The following NTF3 variants were observed in gnomAD, a reference collection of about 807,000 sequenced individuals.
NTF3 encodes neurotrophin 3, also known as neurotrophin-3.
A neutral mutation model predicts 26.3 loss-of-function variants in NTF3; 8 were observed. That is an observed-to-expected ratio of 0.30 (90% CI 0.18 to 0.55). The LOEUF (loss-of-function observed/expected upper bound fraction) is 0.55. Ranked by LOEUF, NTF3 falls within the 20% of genes least tolerant of loss-of-function variation. The pLI is 0.93. For synonymous variants in NTF3, 154 were observed against 145.5 expected (o/e 1.06, Z -0.42); for missense variants, 276 against 352.9 (o/e 0.78, Z 1.75).
In NTF3 at chr12:5,456,422, G is replaced by A. The variant is rs1284678768; in HGVS notation, c.18+24080G>A. ...AAATCAGTGGGACCCTGGGAGCTGT[G>A]TACCCCTCAGACCCAGTTGGAACCC... On this transcript the variant is annotated intron_variant, in intron 1 of 1. Transcript: ENST00000423158. The surrounding 1 kb of genome is among the most constrained non-coding windows in gnomAD (Gnocchi z 4.4). Among the ~76,000 whole-genome samples the A allele has an allele frequency of 6.6e-6, 1 of 152,134 alleles. No homozygotes were observed. Among genetic ancestry groups the A allele is most frequent in the Non-Finnish European group, 1.5e-5 (1 of 68,032 alleles).
At chr12:5,450,212 A>G (rs1052132957) in intron 1 of NTF3, among the ~76,000 whole-genome samples, 3 of 152,192 alleles carry the variant, frequency 2.0e-5, no homozygotes, top group Admixed American at 6.5e-5. Flanking sequence ...CTCCAAGAAC[A>G]CGGTTTGGTG....
intron 1 of NTF3, among the ~76,000 whole-genome samples, chr12:5,487,014 T>C (rs1468551693): frequency 6.6e-6 from 1 of 152,050 alleles, no homozygotes; most frequent in Non-Finnish European, 1.5e-5. Flanking sequence ...GATAACACCA[T>C]GATGGCTAGT....
chr12:5,431,200 T>C (rs1039460693), upstream of NTF3, among the ~76,000 whole-genome samples: 2 of 152,048 alleles, frequency 1.3e-5, no homozygotes, highest in African/African-American at 4.8e-5. Flanking sequence ...ACAGGTTTGT[T>C]TGTTGCTCGC....
At position 5,445,288 on chromosome 12, in the gene NTF3, A is replaced by ATGTGTGTGTGTG. The variant is rs200578458; in HGVS notation, c.18+12957_18+12958insGTGTGTGTGTGT. Reference sequence around the variant, plus strand: ...CATAGATGATTCCTTGGATTAAATGATGTGTGTGTGTATGTGTGTGTGTGT... The same window carrying ATGTGTGTGTGTG: ...CATAGATGATTCCTTGGATTAAATGATGTGTGTGTGTGTGTGTGTGTGTATGTGTGTGTGTGT... On this transcript the variant is annotated intron_variant, in intron 1 of 1. Coordinates refer to ENST00000423158, the MANE Select transcript of NTF3 (RefSeq NM_001102654.2). Among the ~76,000 whole-genome samples, 18 of 101,576 alleles carry ATGTGTGTGTGTG rather than the reference A, an allele frequency of 1.8e-4. 1 individual carries two copies. Among genetic ancestry groups the ATGTGTGTGTGTG allele is most frequent in the Admixed American group, 8.6e-4 (8 of 9,254 alleles). 66.6% of individuals were successfully genotyped at this position (101,576 alleles called of 152,430 possible). A position where few individuals can be genotyped will look rare whatever the true frequency, so the allele number is the denominator to read the frequency against.
intron 1 of NTF3, among the ~76,000 whole-genome samples, chr12:5,482,804 GCT>G (rs1204240620): frequency 6.8e-6 from 1 of 146,518 alleles, no homozygotes; most frequent in Non-Finnish European, 1.5e-5. Flanking sequence ...TCTCTGTATC[GCT>G]CTTTTTTTTC....
At chr12:5,437,625 C>G (rs923830722) in intron 1 of NTF3, among the ~76,000 whole-genome samples, 5 of 152,198 alleles carry the variant, frequency 3.3e-5, no homozygotes, top group Admixed American at 3.3e-4. Flanking sequence ...TAGAGCCCAC[C>G]ACCCTGCCTC....
At chr12:5,451,741 C>T (rs1188264073) in intron 1 of NTF3, among the ~76,000 whole-genome samples, 1 of 152,110 alleles carries the variant, frequency 6.6e-6, no homozygotes, top group African/African-American at 2.4e-5. Flanking sequence ...TGTAGACTCG[C>T]GTGTGGTGGC....
At chr12:5,430,613 A>G (rs1591586422), upstream of NTF3, among the ~76,000 whole-genome samples, 7 of 142,256 alleles carry the variant, frequency 4.9e-5, no homozygotes, top group Admixed American at 2.8e-4. Context: ...TCCCCATCCA[A>G]CCCCCCAGCT....
Position 5,432,189 on chromosome 12 carries a change from C to A in NTF3, c.-136C>A. 1 of 1,045,870 alleles carries A rather than the reference C, an allele frequency of 9.6e-7. No homozygotes were observed. The highest frequency in any genetic ancestry group is 1.5e-6 in the Non-Finnish European group (1 of 678,662). 64.8% of individuals were successfully genotyped at this position (1,045,870 alleles called of 1,614,324 possible). On this transcript the variant is annotated 5_prime_UTR_variant, in exon 1 of 2. Coordinates refer to ENST00000423158, the MANE Select transcript of NTF3 (RefSeq NM_001102654.2). ...CAGCCCGGCGCAACTACTTTCTTCT[C>A]TCTCCTTTCTTTCTTCCTCTCCTTT...
chr12:5,475,984 C>T (rs914299817), intron 1 of NTF3, among the ~76,000 whole-genome samples: 3 of 151,946 alleles, frequency 2.0e-5, no homozygotes, highest in Non-Finnish European at 2.9e-5. Flanking sequence ...AGAGAAAATA[C>T]ACCTGGGATG....
At chr12:5,436,348 G>A (rs1021080762) in intron 1 of NTF3, among the ~76,000 whole-genome samples, 1 of 152,196 alleles carries the variant, frequency 6.6e-6, no homozygotes, top group African/African-American at 2.4e-5. Flanking sequence ...TTTATATAGG[G>A]CTTGACTATT....
chr12:5,487,974 C>T (rs1266137904), intron 1 of NTF3, among the ~76,000 whole-genome samples: 1 of 152,156 alleles, frequency 6.6e-6, no homozygotes, highest in South Asian at 2.1e-4. Flanking sequence ...CTCTGTCCCT[C>T]AATTTATGTC....
intron 1 of NTF3, among the ~76,000 whole-genome samples, chr12:5,490,736 G>C (rs7484401): frequency 0.4 from 60,855 of 152,040 alleles, 12,282 homozygotes; most frequent in South Asian, 0.51. Context: ...TCTGGGCTTC[G>C]AGTTCATAAT....
At chr12:5,470,975 C>G (rs1252689583) in intron 1 of NTF3, among the ~76,000 whole-genome samples, 1 of 151,328 alleles carries the variant, frequency 6.6e-6, no homozygotes. Flanking sequence ...GCTTTGAGCT[C>G]CTTTCCTTCC....
At chr12:5,446,765 A>G (rs981487074) in intron 1 of NTF3, among the ~76,000 whole-genome samples, 1 of 152,250 alleles carries the variant, frequency 6.6e-6, no homozygotes, top group African/African-American at 2.4e-5. Context: ...GCTGTCAGGC[A>G]TGCTGGAGCC....
chr12:5,455,944 G>A (rs1940440788), intron 1 of NTF3, among the ~76,000 whole-genome samples: 1 of 152,176 alleles, frequency 6.6e-6, no homozygotes, highest in South Asian at 2.1e-4. Flanking sequence ...CTGGCAGTCT[G>A]GGGGTCATGA....
At chr12:5,491,860 C>T (rs1044732148) in intron 1 of NTF3, among the ~76,000 whole-genome samples, 4 of 151,654 alleles carry the variant, frequency 2.6e-5, no homozygotes, top group African/African-American at 9.7e-5. Flanking sequence ...GCTGGGACTA[C>T]AGGCTGCCAC....
intron 1 of NTF3, among the ~76,000 whole-genome samples, chr12:5,492,814 G>A (rs573235039): frequency 2.0e-5 from 3 of 152,306 alleles, no homozygotes; most frequent in South Asian, 2.1e-4. Flanking sequence ...TCCTGGGAGC[G>A]AGTGAGCACT....
chr12:5,443,454 T>A (rs1344542767), intron 1 of NTF3, among the ~76,000 whole-genome samples: 1 of 151,998 alleles, frequency 6.6e-6, no homozygotes, highest in African/African-American at 2.4e-5. Context: ...GAGTTTTGGG[T>A]GCTGTTAAAA....
Sources: allele counts gnomAD v4.1 joint callset (sites outside exome capture counted in the v4.1 genomes callset), GRCh38; gene constraint gnomAD v4.1.1; non-coding constraint Gnocchi (gnomAD v3.1); transcripts MANE v1.5; gene names NCBI Gene and HGNC (gene_info 2026-07-23, HGNC 2026-07-21).